Variants in AKR1C3 observed in about 807,000 individuals in gnomAD.
The protein encoded by AKR1C3 is 3-alpha hydroxysteroid dehydrogenase, type II.
AKR1C3 carries 48 observed loss-of-function variants against 43.6 expected under a neutral mutation model. The ratio of observed to expected loss-of-function variants is 1.10; its 90% confidence interval spans 0.87 to 1.40. The LOEUF (loss-of-function observed/expected upper bound fraction) is 1.40, where lower values mean the gene tolerates loss of function less well. Ranked by LOEUF, AKR1C3 falls within the 40% of genes most tolerant of loss-of-function variation. AKR1C3 has a pLI of 0.00. For synonymous variants in AKR1C3, 162 were observed against 139.6 expected, an observed-to-expected ratio of 1.16 and a Z score of -1.13; for missense variants, 482 against 391.2, an observed-to-expected ratio of 1.23 and a Z score of -1.96.
At chr10:5,063,110 A>G (rs2131789231) in intron 1 of AKR1C3, among the ~76,000 whole-genome samples, 1 of 152,338 alleles carries the variant, frequency 6.6e-6, no homozygotes, top group South Asian at 2.1e-4. Context: ...ATATGAAAAC[A>G]TGTATTTTTG....
intron 7 of AKR1C3, 34 bp from the exon 8 acceptor site, chr10:5,105,561 T>C: frequency 6.5e-7 from 1 of 1,538,682 alleles, no homozygotes; most frequent in Non-Finnish European, 8.9e-7. Flanking sequence ...CAACTGGCAA[T>C]CTAAAAATAA....
upstream of AKR1C3, chr10:5,094,310 T>C (rs1839160373): frequency 2.1e-6 from 2 of 954,076 alleles, no homozygotes; most frequent in Non-Finnish European, 3.2e-6. Flanking sequence ...ACTGCCTATG[T>C]ACCTCCTCCT....
At chr10:5,060,433 C>T (rs1838357831) in intron 1 of AKR1C3, among the ~76,000 whole-genome samples, 1 of 152,296 alleles carries the variant, frequency 6.6e-6, no homozygotes, top group Middle Eastern at 3.4e-3. Context: ...TTCTCCAAGT[C>T]CCCACCAGAG....
Position 5,097,430 on chromosome 10 carries a change from G to T in AKR1C3, c.253-4G>T, listed in dbSNP as rs1554785295. The T allele has an allele frequency of 8.1e-6, 13 of 1,613,132 alleles. No homozygotes were observed. Among genetic ancestry groups the T allele is most frequent in the African/African-American group, 1.3e-5 (1 of 74,810 alleles). ...AAATCACCTCCATTCTTTAACCTCTGCAGCTTTGGTCCACTTTTCATCGAC... is the reference window on the plus strand; with the variant it reads ...AAATCACCTCCATTCTTTAACCTCTTCAGCTTTGGTCCACTTTTCATCGAC... On this transcript the variant is annotated splice_region_variant and splice_polypyrimidine_tract_variant and intron_variant, in intron 2 of 8. Coordinates refer to ENST00000380554, the MANE Select transcript of AKR1C3 (RefSeq NM_003739.6).
chr10:5,077,177 C>T (rs1588342351), intron 1 of AKR1C3, among the ~76,000 whole-genome samples: 2 of 152,030 alleles, frequency 1.3e-5, no homozygotes. Context: ...GGAAAAACCA[C>T]GTTGGACTGA....
intron 8 of AKR1C3, among the ~76,000 whole-genome samples, chr10:5,106,074 A>G (rs2131854681): frequency 6.6e-6 from 1 of 152,288 alleles, no homozygotes; most frequent in East Asian, 1.9e-4. Context: ...AATCAAAAAC[A>G]TTTCCATCAA....
At chr10:5,096,169 G>A (rs569892901) in intron 1 of AKR1C3, 47 of 391,032 alleles carry the variant, frequency 1.2e-4, no homozygotes, top group Non-Finnish European at 2.1e-4. Context: ...CACTGAATCT[G>A]AGGGTGTTAT....
upstream of AKR1C3, among the ~76,000 whole-genome samples, chr10:5,092,154 C>T (rs782066135): frequency 5.9e-5 from 9 of 152,096 alleles, no homozygotes; most frequent in Non-Finnish European, 8.8e-5. Flanking sequence ...TGTTGATCAT[C>T]TTGAACAGAA....
rs781994094 is a variant in AKR1C3, at chr10:5,099,327, G to T, written c.448G>T (p.Ala150Ser). The change falls in exon 5 of 9, where the codon GCC becomes TCC. Residue 150 changes from alanine to serine, a missense_variant and splice_region_variant. By Grantham distance (99) the Ala-to-Ser change is moderately conservative. Coordinates refer to ENST00000380554, the MANE Select transcript of AKR1C3 (RefSeq NM_003739.6). ...DIVDLCTTWEAMEKCKDAGLA... is the reference protein window; with the variant it reads ...DIVDLCTTWESMEKCKDAGLA... ...TTCCTCACAACCCCTTTCTCCACAGGCCATGGAGAAGTGTAAGGATGCAGG... is the reference window on the plus strand; with the variant it reads ...TTCCTCACAACCCCTTTCTCCACAGTCCATGGAGAAGTGTAAGGATGCAGG... The T allele has an allele frequency of 6.2e-7, 1 of 1,613,930 alleles. No homozygotes were observed. Among genetic ancestry groups the T allele is most frequent in the East Asian group, 2.2e-5 (1 of 44,884 alleles).
intron 1 of AKR1C3, among the ~76,000 whole-genome samples, chr10:5,062,854 T>A (rs569723075): frequency 0.021 from 2,909 of 138,510 alleles, 102 homozygotes; most frequent in African/African-American, 0.074. Context: ...AACTCCTAGT[T>A]AAAAAAAAAA....
chr10:5,092,706 A>G (rs1354576091), upstream of AKR1C3, among the ~76,000 whole-genome samples: 3 of 151,910 alleles, frequency 2.0e-5, no homozygotes, highest in Non-Finnish European at 4.4e-5. Flanking sequence ...AATTTCCTGT[A>G]GTTCTATTTC....
chr10:5,072,852 A>C (rs998250095), intron 1 of AKR1C3, among the ~76,000 whole-genome samples: 7 of 152,148 alleles, frequency 4.6e-5, no homozygotes, highest in African/African-American at 1.7e-4. Flanking sequence ...TGTAAGGATT[A>C]TATTTCTTGG....
intron 1 of AKR1C3, among the ~76,000 whole-genome samples, chr10:5,095,406 A>G (rs1554784960): frequency 6.6e-6 from 1 of 152,040 alleles, no homozygotes; most frequent in Non-Finnish European, 1.5e-5. Flanking sequence ...AAATGAAAAT[A>G]ACGACACAAC....
chr10:5,093,834 C>T (rs1217414592), upstream of AKR1C3: 3 of 152,072 alleles, frequency 2.0e-5, no homozygotes, highest in Admixed American at 1.3e-4. Context: ...GCATCTTCTT[C>T]AGAAATGAAT....
chr10:5,104,517 TTTTTTTCTAACTC>T (rs1175707268), intron 7 of AKR1C3, among the ~76,000 whole-genome samples: 2 of 145,040 alleles, frequency 1.4e-5, no homozygotes, highest in African/African-American at 4.9e-5. Context: ...ATGGTACAAC[TTTTTTTCTAACTC>T]TTTATTTTAT....
chr10:5,053,671 C>A (rs1838201425), intron 1 of AKR1C3, among the ~76,000 whole-genome samples: 1 of 152,244 alleles, frequency 6.6e-6, no homozygotes, highest in South Asian at 2.1e-4. Flanking sequence ...TCAATCCCCC[C>A]TCTAAACAGG....
chr10:5,056,813 A>G (rs1403498298), intron 1 of AKR1C3, among the ~76,000 whole-genome samples: 1 of 152,202 alleles, frequency 6.6e-6, no homozygotes, highest in Non-Finnish European at 1.5e-5. Context: ...CATAACAAGA[A>G]AGGCATGTGA....
upstream of AKR1C3, chr10:5,094,361 G>C (rs949602655): frequency 6.2e-6 from 5 of 808,546 alleles, no homozygotes; most frequent in Admixed American, 4.1e-5. Flanking sequence ...GCAGGGGTGG[G>C]GGGAGGGGTT....
chr10:5,078,663 A>G (rs1270387969), intron 1 of AKR1C3, among the ~76,000 whole-genome samples: 2 of 152,208 alleles, frequency 1.3e-5, no homozygotes, highest in African/African-American at 4.8e-5. Flanking sequence ...TAAATAGAAT[A>G]GGGATCTCAC....
Sources: allele counts gnomAD v4.1 joint callset (sites outside exome capture counted in the v4.1 genomes callset), GRCh38; gene constraint gnomAD v4.1.1; transcripts MANE v1.5; gene names NCBI Gene and HGNC (gene_info 2026-07-23, HGNC 2026-07-21).